The following ASCC3 variants were observed in gnomAD, a reference collection of about 807,000 sequenced individuals.
ASCC3 encodes ASC-1 complex subunit P200.
Under a neutral mutation model 256.3 loss-of-function variants are expected in ASCC3, and 158 were observed. The observed-to-expected ratio is 0.62, with a 90% CI of 0.54 to 0.70. ASCC3 has a LOEUF of 0.70. Ranked by LOEUF, ASCC3 falls within the 30% of genes least tolerant of loss-of-function variation. ASCC3 has a pLI of 0.00. For synonymous variants in ASCC3, 948 were observed against 883.4 expected, an observed-to-expected ratio of 1.07 and a Z score of -1.30; for missense variants, 2,259 against 2,626.0, an observed-to-expected ratio of 0.86 and a Z score of 3.05.
chr6:100,616,503 A>G (rs1260825246), intron 30 of ASCC3, among the ~76,000 whole-genome samples: 3 of 152,222 alleles, frequency 2.0e-5, no homozygotes, highest in Admixed American at 6.5e-5. Context: ...ATTAATTTGA[A>G]TTAACAAGGA....
chr6:100,544,128 TA>T (rs1775593171), intron 36 of ASCC3, among the ~76,000 whole-genome samples: 1 of 151,898 alleles, frequency 6.6e-6, no homozygotes, highest in Non-Finnish European at 1.5e-5. Context: ...TGAATGAAAA[TA>T]AAAATATAAC....
chr6:100,661,812 AT>A lies in ASCC3; in HGVS notation c.2696del (p.Asn899MetfsTer16). ...QFLESLADNL[N>X]AEIALGTVTN... ...TTTACTCATTAGATCTTACCTCTGC[AT>A]TTAGGTTATCTGCAAGGCTTTCCAG... On this transcript the variant is annotated frameshift_variant, in exon 16 of 42. Transcript: ENST00000369162. LOFTEE classifies it high-confidence loss of function. 2 of 1,612,914 alleles carry A rather than the reference AT, an allele frequency of 1.2e-6. No individual in the cohort carries two copies. Among genetic ancestry groups the A allele is most frequent in the Non-Finnish European group, 1.7e-6 (2 of 1,179,126 alleles).
intron 36 of ASCC3, among the ~76,000 whole-genome samples, chr6:100,584,934 T>A (rs1203629448): frequency 6.6e-6 from 1 of 152,250 alleles, no homozygotes; most frequent in African/African-American, 2.4e-5. Flanking sequence ...TTGTAGAGTT[T>A]CTGCCGAGAG....
intron 36 of ASCC3, among the ~76,000 whole-genome samples, chr6:100,588,916 C>A (rs2114769832): frequency 6.6e-6 from 1 of 152,170 alleles, no homozygotes; most frequent in Non-Finnish European, 1.5e-5. Context: ...AAAGCACCAA[C>A]ACATCTGAAG....
chr6:100,634,395 C>G (rs889402270), intron 25 of ASCC3, among the ~76,000 whole-genome samples: 1 of 152,158 alleles, frequency 6.6e-6, no homozygotes, highest in African/African-American at 2.4e-5. Context: ...CTCTCCTTAT[C>G]TCTCCCTTCC....
intron 10 of ASCC3, among the ~76,000 whole-genome samples, chr6:100,742,289 G>T (rs975082361): frequency 6.6e-6 from 1 of 151,846 alleles, no homozygotes; most frequent in African/African-American, 2.4e-5. Context: ...TGGCCTGAAC[G>T]TGCCTGAAGG....
At chr6:100,870,482 G>C (rs904289260) in intron 1 of ASCC3, among the ~76,000 whole-genome samples, 2 of 152,152 alleles carry the variant, frequency 1.3e-5, no homozygotes, top group African/African-American at 4.8e-5. Flanking sequence ...GACCAAATCT[G>C]TTTACTGATC....
intron 4 of ASCC3, among the ~76,000 whole-genome samples, chr6:100,831,789 T>C (rs1185941831): frequency 6.6e-6 from 1 of 151,642 alleles, no homozygotes; most frequent in Non-Finnish European, 1.5e-5. Context: ...GAAAATAATA[T>C]GAAACAATAT....
At chr6:100,695,852 T>C (rs1028863361) in intron 13 of ASCC3, among the ~76,000 whole-genome samples, 1 of 152,172 alleles carries the variant, frequency 6.6e-6, no homozygotes, top group African/African-American at 2.4e-5. Flanking sequence ...TCTCGCCATG[T>C]AGATAGACCA....
intron 13 of ASCC3, among the ~76,000 whole-genome samples, chr6:100,698,095 G>A (rs1257806443): frequency 2.0e-5 from 3 of 152,070 alleles, no homozygotes; most frequent in Non-Finnish European, 2.9e-5. Flanking sequence ...GTATTTGCAA[G>A]GAGGAAACTG....
At chr6:100,715,739 A>G (rs1368146179) in intron 12 of ASCC3, among the ~76,000 whole-genome samples, 3 of 151,792 alleles carry the variant, frequency 2.0e-5, no homozygotes, top group Non-Finnish European at 3.0e-5. Flanking sequence ...AGAGTAACTC[A>G]GATAATAGTT....
At chr6:100,650,479 A>C in intron 20 of ASCC3, 59 bp downstream of exon 20, 1 of 1,551,026 alleles carries the variant, frequency 6.4e-7, no homozygotes, top group Non-Finnish European at 8.9e-7. Context: ...ATGAATTAAC[A>C]CCTTGGTCCT....
intron 25 of ASCC3, among the ~76,000 whole-genome samples, chr6:100,635,564 T>C (rs1046549882): frequency 1.3e-5 from 2 of 152,154 alleles, no homozygotes; most frequent in Admixed American, 1.3e-4. Flanking sequence ...ACTTGAAATT[T>C]GCTAAGAGAA....
At chr6:100,527,709 T>C (rs1196862931) in intron 37 of ASCC3, among the ~76,000 whole-genome samples, 2 of 152,154 alleles carry the variant, frequency 1.3e-5, no homozygotes, top group Admixed American at 1.3e-4. Context: ...TCATAATATC[T>C]TTCACTTAAA....
chr6:100,571,673 AG>A (rs1275761888), intron 36 of ASCC3, among the ~76,000 whole-genome samples: 1 of 152,250 alleles, frequency 6.6e-6, no homozygotes, highest in Admixed American at 6.5e-5. Context: ...TGAGGCTCAG[AG>A]GGTAAGTACC....
rs114024664 is a variant in ASCC3 at position 100,876,120 on chromosome 6, T to G, written c.-42+4941A>C. 3.8e-3 allele frequency among the ~76,000 whole-genome samples: 574 copies of G among 152,128 alleles called. 5 individuals are homozygous for G. The highest frequency in any genetic ancestry group is 0.013 in the African/African-American group (553 of 41,492). ...GCAGGCGAGAATGACAACAAAAGCA[T>G]AGGTCTAGAGAGACTTGGATAGATG... On this transcript the variant is annotated intron_variant, in intron 1 of 41. Coordinates refer to ENST00000369162, the MANE Select transcript of ASCC3 (RefSeq NM_006828.4).
chr6:100,625,531 TAG>T (rs987501435), intron 29 of ASCC3, among the ~76,000 whole-genome samples, 197 bp from the exon 30 acceptor site: 20 of 152,142 alleles, frequency 1.3e-4, no homozygotes, highest in Admixed American at 8.5e-4. Context: ...TGGCCCTACC[TAG>T]AGAGTATATT....
At chr6:100,537,973 C>T (rs1289552404) in intron 37 of ASCC3, among the ~76,000 whole-genome samples, 1 of 151,120 alleles carries the variant, frequency 6.6e-6, no homozygotes, top group Non-Finnish European at 1.5e-5. Flanking sequence ...AATCCTTTTC[C>T]TTAAAAGTAA....
intron 8 of ASCC3, among the ~76,000 whole-genome samples, chr6:100,787,911 C>T (rs556105890): frequency 1.1e-4 from 17 of 151,578 alleles, no homozygotes; most frequent in African/African-American, 4.1e-4. Flanking sequence ...ATCTTAATAA[C>T]CTCGCGTGAG....
Sources: allele counts gnomAD v4.1 joint callset (sites outside exome capture counted in the v4.1 genomes callset), GRCh38; gene constraint gnomAD v4.1.1; transcripts MANE v1.5; gene names NCBI Gene and HGNC (gene_info 2026-07-23, HGNC 2026-07-21).